The following TCF12 variants were observed in gnomAD, a reference collection of about 807,000 sequenced individuals.
TCF12 encodes DNA-binding protein HTF4.
A neutral mutation model predicts 86.0 loss-of-function variants in TCF12; 45 were observed. The ratio of observed to expected loss-of-function variants is 0.52; its 90% CI spans 0.41 to 0.67. The LOEUF (loss-of-function observed/expected upper bound fraction) is 0.67. TCF12 is among the 30% of genes least tolerant of loss of function. The probability of loss-of-function intolerance (pLI) is 0.00; values close to 1 mark genes in which losing one functional copy is unlikely to be tolerated. For missense variants in TCF12, 881 were observed against 859.9 expected (o/e 1.02, Z -0.31); for synonymous variants, 330 against 299.6 (o/e 1.10, Z -1.05).
rs2061222697 is a variant in TCF12 at position 57,273,147 on chromosome 15, C to G, written c.1863C>G (p.Phe621Leu). 6.2e-7 allele frequency: 1 copy of G among 1,614,210 alleles called. No individual in the cohort carries two copies. Among genetic ancestry groups the G allele is most frequent in the Non-Finnish European group, 8.5e-7 (1 of 1,180,036 alleles). ...RLRVRDINEA[F>L]KELGRMCQLH... is the part of the protein sequence containing the mutation. ...GCGTGCGGGATATTAATGAAGCATTCAAAGAGCTTGGCCGAATGTGTCAGC... is the reference window on the plus strand; with the variant it reads ...GCGTGCGGGATATTAATGAAGCATTGAAAGAGCTTGGCCGAATGTGTCAGC... The change falls in exon 19 of 21, where the codon TTC becomes TTG. Residue 621 changes from phenylalanine to leucine, a missense_variant. Physicochemically the swap from Phe to Leu is conservative, Grantham distance 22. This residue lies in a region of TCF12 where 46 missense variants were observed against 76.7 expected (regional missense o/e 0.60). Transcript: ENST00000333725.
At chr15:57,281,032 T>C (rs2061660478) in intron 19 of TCF12, among the ~76,000 whole-genome samples, 1 of 152,114 alleles carries the variant, frequency 6.6e-6, no homozygotes, top group South Asian at 2.1e-4. Flanking sequence ...AGTGTGTAAG[T>C]AGATTTTGAT....
At chr15:57,046,473 C>T (rs2067239522) in intron 3 of TCF12, among the ~76,000 whole-genome samples, 1 of 152,134 alleles carries the variant, frequency 6.6e-6, no homozygotes, top group Non-Finnish European at 1.5e-5. Context: ...GATGGAGTCT[C>T]ACTCTGTTGC....
intron 3 of TCF12, among the ~76,000 whole-genome samples, chr15:57,000,618 A>G (rs2063970154): frequency 6.6e-6 from 1 of 152,194 alleles, no homozygotes. Context: ...GCAAAAGAAA[A>G]CATGATAAAA....
chr15:57,065,149 A>G (rs185503902), intron 4 of TCF12, among the ~76,000 whole-genome samples: 2 of 152,322 alleles, frequency 1.3e-5, no homozygotes, highest in Admixed American at 6.5e-5. Context: ...AAGATATATA[A>G]AGAGGCTGTT....
chr15:57,066,728 C>T (rs1403378916), intron 4 of TCF12, among the ~76,000 whole-genome samples: 2 of 152,168 alleles, frequency 1.3e-5, no homozygotes, highest in African/African-American at 4.8e-5. Flanking sequence ...TATCCCTCTC[C>T]CATTCCCATG....
intron 18 of TCF12, 82 bp downstream of exon 18, chr15:57,263,356 T>C: frequency 7.1e-7 from 1 of 1,400,428 alleles, no homozygotes; most frequent in East Asian, 2.3e-5. Context: ...CATGCATTTA[T>C]TAACTGTCAG....
intron 5 of TCF12, among the ~76,000 whole-genome samples, chr15:57,114,376 GGCCTCCTGCGCTCAAATGATCCTAC>G: frequency 6.6e-6 from 1 of 152,074 alleles, no homozygotes. Context: ...CTGCAGCCTT[GGCCTCCTGCGCTCAAATGATCCTAC>G]CACCTCAGCC....
chr15:56,952,559 C>G (rs2061329614), intron 3 of TCF12, among the ~76,000 whole-genome samples: 1 of 152,006 alleles, frequency 6.6e-6, no homozygotes, highest in African/African-American at 2.4e-5. Context: ...TTTAGCCTTT[C>G]TCAGCAGTGT....
At chr15:57,240,654 G>A (rs2059575458) in intron 12 of TCF12, among the ~76,000 whole-genome samples, 1 of 152,114 alleles carries the variant, frequency 6.6e-6, no homozygotes, top group Non-Finnish European at 1.5e-5. Context: ...GGCCAAAGCA[G>A]GCAGATCACT....
At chr15:57,055,441 ACTT>A (rs2067947025) in intron 3 of TCF12, among the ~76,000 whole-genome samples, 2 of 152,240 alleles carry the variant, frequency 1.3e-5, no homozygotes, top group Non-Finnish European at 2.9e-5. Flanking sequence ...AGCCTGAAGA[ACTT>A]CTTTTAATAT....
intron 3 of TCF12, among the ~76,000 whole-genome samples, chr15:56,958,347 T>C (rs1257547281): frequency 6.6e-6 from 1 of 152,226 alleles, no homozygotes; most frequent in African/African-American, 2.4e-5. Context: ...TGTCCTTTGT[T>C]GCCTGTTGTC....
chr15:56,932,776 G>T lies in TCF12; in HGVS notation c.148+11678G>T, dbSNP rs114667950. 7.2e-3 allele frequency among the ~76,000 whole-genome samples: 1,101 copies of T among 152,196 alleles called. 12 individuals carry two copies. Among genetic ancestry groups the T allele is most frequent in the African/African-American group, 0.025 (1,019 of 41,534 alleles). On this transcript the variant is annotated intron_variant, in intron 3 of 20. Transcript: ENST00000333725. ...GACAGGGTTTCACTGTGTTGGCCAG[G>T]CTGTTCTTTAATTCTGCCCACCTTG...
intron 4 of TCF12, among the ~76,000 whole-genome samples, chr15:57,070,643 T>G (rs1289783163): frequency 6.6e-6 from 1 of 152,212 alleles, no homozygotes; most frequent in Non-Finnish European, 1.5e-5. Flanking sequence ...TGTTTAGCGC[T>G]CTCTCCATTC....
chr15:57,152,856 C>CCACA (rs137874145), intron 5 of TCF12, among the ~76,000 whole-genome samples: 6,265 of 150,178 alleles, frequency 0.042, 357 homozygotes, highest in African/African-American at 0.13. Context: ...GAACTCCCCT[C>CCACA]CACACACACA....
rs1057154601 is a variant in TCF12, at chr15:57,153,951, C to T, written c.326-12451C>T. Among the ~76,000 whole-genome samples, 8 of 150,502 alleles carry T rather than the reference C, an allele frequency of 5.3e-5. No individual in the cohort carries two copies. In the South Asian group the frequency reaches 6.3e-4, roughly 12 times the overall value. On this transcript the variant is annotated intron_variant, in intron 5 of 20. Coordinates refer to ENST00000333725, the MANE Select transcript of TCF12 (RefSeq NM_207037.2). ...TCAAGGTTGCAGTGAGCTGTGATCA[C>T]GCCATTGCATTCCACCCTGGGTGAC...
chr15:57,199,992 C>A (rs903386393), intron 8 of TCF12, among the ~76,000 whole-genome samples: 1 of 151,748 alleles, frequency 6.6e-6, no homozygotes, highest in Admixed American at 6.6e-5. Flanking sequence ...AGCGACCCTT[C>A]CACCTCATCC....
At chr15:57,026,457 T>C (rs543409109) in intron 3 of TCF12, among the ~76,000 whole-genome samples, 1 of 152,194 alleles carries the variant, frequency 6.6e-6, no homozygotes, top group African/African-American at 2.4e-5. Context: ...GTAGGACTCT[T>C]GTAGAAGAGA....
intron 5 of TCF12, among the ~76,000 whole-genome samples, chr15:57,141,511 A>C (rs1038418171): frequency 2.6e-5 from 4 of 152,016 alleles, no homozygotes; most frequent in Non-Finnish European, 5.9e-5. Flanking sequence ...CACCACGCCC[A>C]ACTAATTTTG....
chr15:57,120,406 A>G (rs2051144644), intron 5 of TCF12, among the ~76,000 whole-genome samples: 1 of 152,178 alleles, frequency 6.6e-6, no homozygotes, highest in Non-Finnish European at 1.5e-5. Flanking sequence ...GCCCTATCCA[A>G]TATCTGATAT....
Sources: allele counts gnomAD v4.1 joint callset (sites outside exome capture counted in the v4.1 genomes callset), GRCh38; gene constraint gnomAD v4.1.1; regional missense constraint gnomAD v4.1.1; transcripts MANE v1.5; gene names NCBI Gene and HGNC (gene_info 2026-07-23, HGNC 2026-07-21).